Variants in TNFSF10 observed in about 807,000 individuals in gnomAD.
The protein encoded by TNFSF10 is TNF superfamily member 10, also known as tumor necrosis factor ligand superfamily member 10.
TNFSF10 carries 13 observed loss-of-function variants against 29.5 expected under a neutral mutation model. The ratio of observed to expected loss-of-function variants is 0.44; its 90% CI spans 0.29 to 0.70. TNFSF10 has a LOEUF of 0.70. Ranked by LOEUF, TNFSF10 falls within the 30% of genes least tolerant of loss-of-function variation. The pLI is 0.13. For synonymous variants in TNFSF10, 111 were observed against 112.8 expected, an observed-to-expected ratio of 0.98 and a Z score of 0.10; for missense variants, 345 against 330.9, an observed-to-expected ratio of 1.04 and a Z score of -0.33.
intron 1 of TNFSF10, chr3:172,522,447 T>C: frequency 3.4e-6 from 5 of 1,477,612 alleles, no homozygotes; most frequent in Non-Finnish European, 4.7e-6. Context: ...AGAAATTTTA[T>C]CATTCACCAC....
intron 1 of TNFSF10, chr3:172,518,051 A>G: frequency 4.0e-6 from 4 of 995,642 alleles, no homozygotes; most frequent in African/African-American, 1.7e-5. Flanking sequence ...TTATTCCAAG[A>G]ATGATAATTA....
chr3:172,521,015 A>C lies in TNFSF10; in HGVS notation c.132+2238T>G, dbSNP rs548201016. On this transcript the variant is annotated intron_variant, in intron 1 of 4. Coordinates refer to ENST00000241261, the MANE Select transcript of TNFSF10 (RefSeq NM_003810.4). The stretch of plus-strand genomic sequence containing the variant: ...GGCTAGCCATATGCAGAAAACAGAA[A>C]CTGGGCCCCTTCCTTACAGCTTCTA... 9.8e-5 allele frequency among the ~76,000 whole-genome samples: 15 copies of C among 152,310 alleles called. No individual in the cohort carries two copies. The South Asian group carries it at 3.1e-3, about 32-fold the overall frequency.
chr3:172,520,036 T>C (rs3136589), intron 1 of TNFSF10, among the ~76,000 whole-genome samples: 2 of 152,146 alleles, frequency 1.3e-5, no homozygotes, highest in Non-Finnish European at 2.9e-5. Flanking sequence ...ACATTATTTC[T>C]TGTCTCCTCG....
In TNFSF10 at chr3:172,511,418, G is replaced by A; in HGVS notation, c.313+199C>T. ...TTGAAATAAAGTTCTGACCATAGATGGGCCACAGATTTGGTTCTGAGCTTC... is the reference window on the plus strand; with the variant it reads ...TTGAAATAAAGTTCTGACCATAGATAGGCCACAGATTTGGTTCTGAGCTTC... On this transcript the variant is annotated intron_variant, in intron 3 of 4. Coordinates refer to ENST00000241261, the MANE Select transcript of TNFSF10 (RefSeq NM_003810.4). 6 of 449,394 alleles carry A rather than the reference G, an allele frequency of 1.3e-5. 1 individual carries two copies. The South Asian group carries it at 2.4e-4, about 18-fold the overall frequency. 27.8% of individuals were successfully genotyped at this position (449,394 alleles called of 1,614,324 possible).
Position 172,506,484 on chromosome 3 carries a change from CAGGTCAGTTA to C in TNFSF10, c.844_*7del, listed in dbSNP as rs1277608449. 1 of 1,588,172 alleles carries C rather than the reference CAGGTCAGTTA, an allele frequency of 6.3e-7. No homozygotes were observed. Among genetic ancestry groups the C allele is most frequent in the Non-Finnish European group, 8.5e-7 (1 of 1,170,654 alleles). ...CTTTGAGGTTATTGCTTTTTCTTTC[CAGGTCAGTTA>C]GCCAACTAAAAAGGCCCCAAAAAAA... On this transcript the variant is annotated stop_lost and 3_prime_UTR_variant, in exon 5 of 5. Coordinates refer to ENST00000241261, the MANE Select transcript of TNFSF10 (RefSeq NM_003810.4).
In TNFSF10 at chr3:172,518,026, C is replaced by A. The variant is rs138169428; in HGVS notation, c.133-3028G>T. ...GGTGACTAGACACATGGCGGGTTGACGTGAGGTGCTGTGGTTATTCCAAGA... is the reference window on the plus strand; with the variant it reads ...GGTGACTAGACACATGGCGGGTTGAAGTGAGGTGCTGTGGTTATTCCAAGA... On this transcript the variant is annotated intron_variant, in intron 1 of 4. Coordinates refer to ENST00000241261, the MANE Select transcript of TNFSF10 (RefSeq NM_003810.4). 5.1e-6 allele frequency: 5 copies of A among 987,882 alleles called. 1 individual carries two copies. Among genetic ancestry groups the A allele is most frequent in the East Asian group, 1.1e-4 (1 of 8,900 alleles). The allele number at this position is 987,882 out of a possible 1,614,324, so 61.2% of individuals were successfully genotyped here.
chr3:172,517,265 G>T, intron 1 of TNFSF10: 1 of 917,636 alleles, frequency 1.1e-6, no homozygotes. Flanking sequence ...TTGTGCCACA[G>T]GGACTAGCCC....
intron 3 of TNFSF10, among the ~76,000 whole-genome samples, chr3:172,511,069 C>A (rs1236802703): frequency 6.6e-6 from 1 of 152,050 alleles, no homozygotes; most frequent in South Asian, 2.1e-4. Context: ...AACAGTAGTG[C>A]ACAGAGAGGT....
At chr3:172,517,475 C>G in intron 1 of TNFSF10, 3 of 893,888 alleles carry the variant, frequency 3.4e-6, no homozygotes, top group Non-Finnish European at 3.8e-6. Context: ...CACAGGCAAG[C>G]AGGGAAGCAT....
At chr3:172,518,323 C>T (rs773556141) in intron 1 of TNFSF10, 16 of 1,237,790 alleles carry the variant, frequency 1.3e-5, no homozygotes, top group East Asian at 6.2e-5. Flanking sequence ...GTTACAAACA[C>T]GGTGGTTGTC....
intron 1 of TNFSF10, among the ~76,000 whole-genome samples, chr3:172,519,360 G>T (rs992640926): frequency 2.2e-5 from 3 of 135,240 alleles, no homozygotes; most frequent in Non-Finnish European, 4.6e-5. Flanking sequence ...ACAATTGCAT[G>T]AGTCAGTTGA....
Position 172,505,662 on chromosome 3 carries a change from C to T in TNFSF10, c.*830G>A, listed in dbSNP as rs1028181795. 6.6e-6 allele frequency: 1 copy of T among 150,664 alleles called. No homozygotes were observed. Among genetic ancestry groups the T allele is most frequent in the Non-Finnish European group, 1.5e-5 (1 of 67,814 alleles). 9.3% of individuals were successfully genotyped at this position (150,664 alleles called of 1,614,324 possible). ...ACAAAAACAACAATAAATATGAGCACTACAGCAAACATGACATACTGTAAT... is the reference window on the plus strand; with the variant it reads ...ACAAAAACAACAATAAATATGAGCATTACAGCAAACATGACATACTGTAAT... On this transcript the variant is annotated 3_prime_UTR_variant, in exon 5 of 5. Coordinates refer to ENST00000241261, the MANE Select transcript of TNFSF10 (RefSeq NM_003810.4).
chr3:172,516,589 T>C (rs994506871), intron 1 of TNFSF10, among the ~76,000 whole-genome samples: 3 of 152,208 alleles, frequency 2.0e-5, no homozygotes, highest in African/African-American at 7.2e-5. Context: ...TTCATTTACT[T>C]TTAAACAAAT....
intron 1 of TNFSF10, among the ~76,000 whole-genome samples, chr3:172,515,641 C>G (rs1046845945): frequency 6.6e-6 from 1 of 152,008 alleles, no homozygotes; most frequent in African/African-American, 2.4e-5. Context: ...TTGGTAGAGA[C>G]CTTAAACACT....
chr3:172,513,578 C>T (rs909376567), intron 2 of TNFSF10, among the ~76,000 whole-genome samples: 2 of 152,206 alleles, frequency 1.3e-5, no homozygotes, highest in African/African-American at 4.8e-5. Flanking sequence ...TCACATGTGT[C>T]AGGGCTCTAC....
chr3:172,508,154 G>T (rs547763052), intron 4 of TNFSF10, among the ~76,000 whole-genome samples: 1 of 151,972 alleles, frequency 6.6e-6, no homozygotes, highest in Non-Finnish European at 1.5e-5. Context: ...GACCAGCCTC[G>T]TGTAGTGGTG....
At chr3:172,510,298 AT>A (rs1466694902) in intron 3 of TNFSF10, among the ~76,000 whole-genome samples, 1 of 152,188 alleles carries the variant, frequency 6.6e-6, no homozygotes, top group African/African-American at 2.4e-5. Context: ...TCTATAAAAA[AT>A]AGAAAAATCA....
At position 172,506,183 on chromosome 3, in the gene TNFSF10, T is replaced by C; in HGVS notation, c.*309A>G. On this transcript the variant is annotated 3_prime_UTR_variant, in exon 5 of 5. Coordinates refer to ENST00000241261, the MANE Select transcript of TNFSF10 (RefSeq NM_003810.4). ...AGGAGTAGATTATAAAGACAGAAGATGTTAACCATTGCATTAATGTTTGGA... is the reference window on the plus strand; with the variant it reads ...AGGAGTAGATTATAAAGACAGAAGACGTTAACCATTGCATTAATGTTTGGA... 1 of 291,442 alleles carries C rather than the reference T, an allele frequency of 3.4e-6. No individual in the cohort carries two copies. The highest frequency in any genetic ancestry group is 6.3e-6 in the Non-Finnish European group (1 of 157,796). The allele number at this position is 291,442 out of a possible 1,614,324, so 18.1% of individuals were successfully genotyped here.
At chr3:172,508,313 A>C (rs536986658) in intron 4 of TNFSF10, among the ~76,000 whole-genome samples, 20 of 147,638 alleles carry the variant, frequency 1.4e-4, no homozygotes, top group Admixed American at 1.0e-3. Flanking sequence ...CAAAAAAAAA[A>C]CAAAAAAATA....
Sources: allele counts gnomAD v4.1 joint callset (sites outside exome capture counted in the v4.1 genomes callset), GRCh38; gene constraint gnomAD v4.1.1; transcripts MANE v1.5; gene names NCBI Gene and HGNC (gene_info 2026-07-23, HGNC 2026-07-21).